MGAT5: variants seen among roughly 807,000 people sequenced by gnomAD.
MGAT5 encodes the protein alpha-1,6-mannosylglycoprotein 6-beta-N-acetylglucosaminyltransferase, also known as alpha-1,6-mannosylglycoprotein 6-beta-N-acetylglucosaminyltransferase A.
A neutral mutation model predicts 94.3 loss-of-function variants in MGAT5; 30 were observed. That is an observed-to-expected ratio of 0.32 (90% CI 0.24 to 0.43). MGAT5 has a LOEUF of 0.43. Ranked by LOEUF, MGAT5 falls within the 20% of genes least tolerant of loss-of-function variation. The pLI, the probability that MGAT5 is intolerant of heterozygous loss-of-function variation, is 1.00. For synonymous variants in MGAT5, 310 were observed against 322.9 expected (o/e 0.96, Z 0.43); for missense variants, 691 against 905.5 (o/e 0.76, Z 3.04).
chr2:134,427,367 C>CCT (rs1197070917), intron 13 of MGAT5, among the ~76,000 whole-genome samples: 1 of 152,138 alleles, frequency 6.6e-6, no homozygotes, highest in East Asian at 1.9e-4. Context: ...AAAACACAGG[C>CCT]CTCATAGTGT....
chr2:134,435,102 G>A (rs1017550493), intron 14 of MGAT5, among the ~76,000 whole-genome samples: 2 of 152,134 alleles, frequency 1.3e-5, no homozygotes, highest in East Asian at 3.8e-4. Context: ...CTTTGCTCCT[G>A]CAGTCTGTTC....
intron 1 of MGAT5, among the ~76,000 whole-genome samples, chr2:134,197,070 T>C (rs532400062): frequency 7.2e-5 from 11 of 152,334 alleles, no homozygotes; most frequent in African/African-American, 2.6e-4. Flanking sequence ...GTTTTTACTG[T>C]GCCAGGTACT....
chr2:134,189,602 G>GTTTTTTTTTTTTTTGTT (rs1689243626), intron 1 of MGAT5, among the ~76,000 whole-genome samples: 1 of 84,672 alleles, frequency 1.2e-5, no homozygotes, highest in Non-Finnish European at 2.3e-5. Context: ...GTTTTTTTTT[G>GTTTTTTTTTTTTTTGTT]TTTTTTTTTT....
At chr2:134,343,144 A>G (rs996717544) in intron 7 of MGAT5, among the ~76,000 whole-genome samples, 1 of 152,186 alleles carries the variant, frequency 6.6e-6, no homozygotes, top group African/African-American at 2.4e-5. Flanking sequence ...AGGGACAAGT[A>G]CTGCCTGGGG....
intron 1 of MGAT5, among the ~76,000 whole-genome samples, chr2:134,133,434 T>C (rs1248428239): frequency 6.6e-6 from 1 of 152,192 alleles, no homozygotes; most frequent in African/African-American, 2.4e-5. Context: ...TCTGGATATG[T>C]CTTTGTAGAA....
At chr2:134,233,917 C>T (rs894449468) in intron 1 of MGAT5, among the ~76,000 whole-genome samples, 3 of 152,220 alleles carry the variant, frequency 2.0e-5, no homozygotes, top group Non-Finnish European at 4.4e-5. Context: ...GACTCTGGCT[C>T]TCTTGAATAA....
At chr2:134,402,963 G>A in intron 10 of MGAT5, 25 bp from the exon 11 acceptor site, 4 of 1,572,360 alleles carry the variant, frequency 2.5e-6, no homozygotes, top group Non-Finnish European at 3.4e-6. Context: ...AAAGAGAAAT[G>A]TCTTGTGCTT....
chr2:134,122,302 C>G (rs1685648020), intron 1 of MGAT5, among the ~76,000 whole-genome samples: 1 of 152,142 alleles, frequency 6.6e-6, no homozygotes, highest in Non-Finnish European at 1.5e-5. Flanking sequence ...CGAGGTTTCA[C>G]CATATTGGCC....
At chr2:134,189,992 C>T (rs1164609370) in intron 1 of MGAT5, among the ~76,000 whole-genome samples, 1 of 152,172 alleles carries the variant, frequency 6.6e-6, no homozygotes, top group African/African-American at 2.4e-5. Flanking sequence ...AAATATACCA[C>T]AAATACTGCT....
intron 1 of MGAT5, among the ~76,000 whole-genome samples, chr2:134,144,135 A>G (rs902096934): frequency 6.6e-6 from 1 of 152,196 alleles, no homozygotes; most frequent in African/African-American, 2.4e-5. Context: ...TGTGGCATCA[A>G]GGTCACTGGA....
chr2:134,306,446 A>G (rs188226296), intron 2 of MGAT5, among the ~76,000 whole-genome samples: 109 of 152,256 alleles, frequency 7.2e-4, no homozygotes, highest in African/African-American at 2.5e-3. Context: ...CTCATACCCC[A>G]CCAAGCATTG....
chr2:134,299,784 C>G (rs988348263), intron 2 of MGAT5, among the ~76,000 whole-genome samples: 13 of 152,054 alleles, frequency 8.5e-5, no homozygotes. Flanking sequence ...TCCCATAGTC[C>G]ATGTCCAAAG....
intron 1 of MGAT5, among the ~76,000 whole-genome samples, chr2:134,164,654 T>C (rs1352139402): frequency 6.6e-6 from 1 of 152,144 alleles, no homozygotes; most frequent in Non-Finnish European, 1.5e-5. Flanking sequence ...ACTTACTAGT[T>C]AGTATTCTAT....
chr2:134,224,138 T>G (rs1393435821), intron 1 of MGAT5, among the ~76,000 whole-genome samples: 1 of 152,236 alleles, frequency 6.6e-6, no homozygotes, highest in Non-Finnish European at 1.5e-5. Context: ...TGGCATTTAT[T>G]TATTGTTCCC....
intron 1 of MGAT5, among the ~76,000 whole-genome samples, chr2:134,125,011 A>G (rs917085480): frequency 2.0e-5 from 3 of 152,066 alleles, no homozygotes; most frequent in African/African-American, 7.2e-5. Flanking sequence ...CTTCCACTCT[A>G]TTAGTTTTGG....
chr2:134,428,248 C>T (rs573600124), intron 13 of MGAT5, 117 bp from the exon 14 acceptor site: 8 of 845,970 alleles, frequency 9.5e-6, no homozygotes, highest in South Asian at 3.2e-5. Context: ...CCATAGTCAA[C>T]CCTCATGAGG....
At chr2:134,217,495 C>T (rs1208419635) in intron 1 of MGAT5, among the ~76,000 whole-genome samples, 1 of 152,142 alleles carries the variant, frequency 6.6e-6, no homozygotes, top group Non-Finnish European at 1.5e-5. Context: ...GAGAACTGAA[C>T]TTGAAAGCCA....
chr2:134,301,185 C>T (rs527495704), intron 2 of MGAT5, among the ~76,000 whole-genome samples: 2 of 152,242 alleles, frequency 1.3e-5, no homozygotes, highest in East Asian at 3.9e-4. Context: ...ATCCATGGTG[C>T]TGCATATGTC....
At chr2:134,232,678 A>G (rs1373105479) in intron 1 of MGAT5, among the ~76,000 whole-genome samples, 1 of 152,168 alleles carries the variant, frequency 6.6e-6, no homozygotes, top group Non-Finnish European at 1.5e-5. Context: ...CCACAGACCT[A>G]TGTAATGTTT....
Sources: gnomAD v4.1 joint callset for allele counts (sites outside exome capture counted in the v4.1 genomes callset) on GRCh38, gnomAD v4.1.1 for gene constraint, MANE v1.5 for transcripts, NCBI Gene and HGNC (gene_info 2026-07-23, HGNC 2026-07-21) for gene names.